The following XAF1 variants were observed in gnomAD, a reference collection of about 807,000 sequenced individuals.
The protein encoded by XAF1 is XIAP associated factor 1.
Under a neutral mutation model 32.3 loss-of-function variants are expected in XAF1, and 32 were observed. The ratio of observed to expected loss-of-function variants is 0.99; its 90% CI spans 0.75 to 1.33. The LOEUF (loss-of-function observed/expected upper bound fraction) is 1.33. Among genes scored for constraint, XAF1 ranks in the 40% most tolerant of loss-of-function variants. XAF1 has a pLI of 0.00. For missense variants in XAF1, 379 were observed against 366.0 expected, an observed-to-expected ratio of 1.04 and a Z score of -0.29; for synonymous variants, 120 against 125.9, an observed-to-expected ratio of 0.95 and a Z score of 0.31.
intron 5 of XAF1, among the ~76,000 whole-genome samples, chr17:6,768,889 T>A (rs1376248833): frequency 1.3e-5 from 2 of 152,174 alleles, no homozygotes; most frequent in African/African-American, 4.8e-5. Flanking sequence ...TTCCTTAATA[T>A]AAAGATTTAT....
In XAF1 at chr17:6,762,169, G is replaced by C; in HGVS notation, c.436G>C (p.Ala146Pro). 1 of 1,613,388 alleles carries C rather than the reference G, an allele frequency of 6.2e-7. No homozygotes were observed. Among genetic ancestry groups the C allele is most frequent in the Non-Finnish European group, 8.5e-7 (1 of 1,179,716 alleles). ...TGCTTATTCAGGGGAAAGAATTTCA[G>C]CTCCTGAAAGGGAAATCTACTGTCA... is the stretch of plus-strand genomic sequence containing the variant. ...AQLGKGERISAPEREIYCHYC... is the reference protein window; with the variant it reads ...AQLGKGERISPPEREIYCHYC... The change falls in exon 5 of 7, where the codon GCT (alanine) becomes CCT (proline). Residue 146 changes from alanine to proline, a missense_variant. Coordinates refer to ENST00000361842, the MANE Select transcript of XAF1 (RefSeq NM_017523.5).
Position 6,762,156 on chromosome 17 carries a change from G to A in XAF1, c.423G>A (p.Gly141=). Residue 141 remains glycine (G), a splice_region_variant and synonymous_variant, in exon 5 of 7, where the codon GGG becomes GGA. Coordinates refer to ENST00000361842, the MANE Select transcript of XAF1 (RefSeq NM_017523.5). ...GGTGTTGTTTCTCTGCTTATTCAGG[G>A]GAAAGAATTTCAGCTCCTGAAAGGG... is the stretch of plus-strand genomic sequence containing the variant. ...CRSEQAQLGK[G]ERISAPEREI... is the part of the protein sequence containing the mutation. 1.2e-6 allele frequency: 2 copies of A among 1,612,668 alleles called. No homozygotes were observed. Among genetic ancestry groups the A allele is most frequent in the Non-Finnish European group, 1.7e-6 (2 of 1,179,490 alleles).
intron 5 of XAF1, among the ~76,000 whole-genome samples, chr17:6,765,184 T>C (rs145437881): frequency 0.013 from 1,944 of 151,952 alleles, 53 homozygotes; most frequent in African/African-American, 0.044. Flanking sequence ...GAGGCCGAGG[T>C]GGGAGGATCA....
chr17:6,757,980 T>C, intron 1 of XAF1, 109 bp from the exon 2 acceptor site: 1 of 1,466,912 alleles, frequency 6.8e-7, no homozygotes, highest in Non-Finnish European at 9.4e-7. Context: ...TCATCACATG[T>C]TCAGTGCTTA....
intron 2 of XAF1, chr17:6,759,234 A>AT: frequency 9.3e-7 from 1 of 1,075,238 alleles, no homozygotes; most frequent in Non-Finnish European, 1.1e-6. Flanking sequence ...CAGTTTTCCT[A>AT]TTTCCAATCC....
At chr17:6,760,363 A>G (rs1264297329) in intron 3 of XAF1, 43 bp from the exon 4 acceptor site, 9 of 1,497,194 alleles carry the variant, frequency 6.0e-6, no homozygotes, top group South Asian at 3.9e-5. Context: ...AAAAAAAAAA[A>G]AAAAAGGGCC....
In XAF1 at chr17:6,761,495, C is replaced by G. The variant is rs115543760; in HGVS notation, c.422-660C>G. ...GGTGTATTTACTGTCACACAACCAT[C>G]AGTGTGACAGATCCTTTGGTGTCTT... On this transcript the variant is annotated intron_variant, in intron 4 of 6. Transcript: ENST00000361842. 6.6e-3 allele frequency among the ~76,000 whole-genome samples: 1,000 copies of G among 152,336 alleles called. 11 individuals carry two copies. The highest frequency in any genetic ancestry group is 0.023 in the African/African-American group (947 of 41,562).
At position 6,760,576 on chromosome 17, in the gene XAF1, C is replaced by G. The variant is rs2271231; in HGVS notation, c.396C>G (p.Arg132=). ...RMLAQHRDVC[R]SEQAQLGKGE... is the part of the protein sequence containing the mutation. Reference sequence around the variant, plus strand: ...TCGCCCAGCACAGAGATGTCTGTCGCAGTGAACAGGCCCAGCTCGGGAAAG... The same window carrying G: ...TCGCCCAGCACAGAGATGTCTGTCGGAGTGAACAGGCCCAGCTCGGGAAAG... The change falls in exon 4 of 7, where the codon CGC becomes CGG. Residue 132 remains arginine (R), a synonymous_variant. Coordinates refer to ENST00000361842, the MANE Select transcript of XAF1 (RefSeq NM_017523.5). The G allele has an allele frequency of 0.36, 572,725 of 1,610,890 alleles. 108,927 individuals are homozygous for G. The highest frequency in any genetic ancestry group is 0.69 in the African/African-American group (51,574 of 74,844).
rs3833979 is a variant in XAF1, at chr17:6,759,629, G to GGTGTGTGTGTGTGTGTGTGT, written c.169-24_169-5dup. 3.3e-6 allele frequency: 5 copies of GGTGTGTGTGTGTGTGTGTGT among 1,512,350 alleles called. No individual in the cohort carries two copies. The African/African-American group carries it at 6.9e-5, about 21-fold the overall frequency. The allele number at this position is 1,512,350 out of a possible 1,614,324, so 93.7% of individuals were successfully genotyped here. On this transcript the variant is annotated intron_variant, in intron 2 of 6. Coordinates refer to ENST00000361842, the MANE Select transcript of XAF1 (RefSeq NM_017523.5). ...CTGGGTGCTGGGTGGACCCACATCT[G>GGTGTGTGTGTGTGTGTGTGT]GTGTGTGTGTGTGTGTGTGTGTGTG... is the stretch of plus-strand genomic sequence containing the variant.
At chr17:6,762,558 A>G (rs1178443537) in intron 5 of XAF1, among the ~76,000 whole-genome samples, 1 of 152,134 alleles carries the variant, frequency 6.6e-6, no homozygotes, top group Non-Finnish European at 1.5e-5. Context: ...GGCCTGTCTT[A>G]CTGTTTTCGG....
chr17:6,766,833 T>G (rs932611567), intron 5 of XAF1, among the ~76,000 whole-genome samples: 1 of 152,234 alleles, frequency 6.6e-6, no homozygotes, highest in Non-Finnish European at 1.5e-5. Context: ...CCATTTCATT[T>G]TGGGAGCATG....
At chr17:6,772,140 G>A (rs1482576241) in intron 6 of XAF1, among the ~76,000 whole-genome samples, 1 of 152,054 alleles carries the variant, frequency 6.6e-6, no homozygotes, top group African/African-American at 2.4e-5. Context: ...TGCTGGGGGT[G>A]TTACTAGTGC....
chr17:6,772,139 T>C (rs1395900404), intron 6 of XAF1, among the ~76,000 whole-genome samples: 1 of 152,026 alleles, frequency 6.6e-6, no homozygotes, highest in Non-Finnish European at 1.5e-5. Flanking sequence ...TTGCTGGGGG[T>C]GTTACTAGTG....
intron 6 of XAF1, among the ~76,000 whole-genome samples, chr17:6,772,221 C>T (rs559057262): frequency 2.0e-5 from 3 of 151,972 alleles, no homozygotes; most frequent in African/African-American, 7.3e-5. Context: ...ATAACAGAGT[C>T]GCCAGATTTA....
intron 6 of XAF1, chr17:6,771,898 T>C (rs1976061855): frequency 6.6e-6 from 1 of 152,234 alleles, no homozygotes; most frequent in African/African-American, 2.4e-5. Flanking sequence ...TTCAAAGCTC[T>C]ACCTTTGCAT....
intron 5 of XAF1, among the ~76,000 whole-genome samples, chr17:6,763,637 C>A (rs967112955): frequency 3.3e-5 from 5 of 150,196 alleles, no homozygotes; most frequent in Non-Finnish European, 7.4e-5. Context: ...TGTTTCTCTA[C>A]TTGTTGGTAA....
At chr17:6,756,911 A>G (rs941652529) in intron 1 of XAF1, among the ~76,000 whole-genome samples, 2 of 151,994 alleles carry the variant, frequency 1.3e-5, no homozygotes, top group African/African-American at 4.8e-5. Flanking sequence ...TTACGGCTAC[A>G]GCCACCCCAT....
chr17:6,758,590 C>T (rs1346161262), intron 2 of XAF1: 5 of 366,250 alleles, frequency 1.4e-5, no homozygotes, highest in African/African-American at 1.1e-4. Flanking sequence ...GAGATGGGGT[C>T]TGGGAGTCAA....
intron 5 of XAF1, among the ~76,000 whole-genome samples, chr17:6,763,446 G>A (rs1002888872): frequency 1.3e-5 from 2 of 152,102 alleles, no homozygotes; most frequent in African/African-American, 4.8e-5. Context: ...TCCTGCCTCA[G>A]CCTCCGGAGT....
Sources: gnomAD v4.1 joint callset for allele counts (sites outside exome capture counted in the v4.1 genomes callset) on GRCh38, gnomAD v4.1.1 for gene constraint, MANE v1.5 for transcripts, NCBI Gene and HGNC (gene_info 2026-07-23, HGNC 2026-07-21) for gene names.